The following ELL variants were observed in gnomAD, a reference collection of about 807,000 sequenced individuals.
The protein encoded by ELL is RNA polymerase II elongation factor ELL.
A neutral mutation model predicts 64.0 loss-of-function variants in ELL; 18 were observed. The ratio of observed to expected loss-of-function variants is 0.28; its 90% CI spans 0.19 to 0.42. The LOEUF is 0.42. Ranked by LOEUF, ELL falls within the 10% of genes least tolerant of loss-of-function variation. ELL has a pLI of 1.00. For synonymous variants in ELL, 399 were observed against 376.2 expected, an observed-to-expected ratio of 1.06 and a Z score of -0.70; for missense variants, 797 against 870.4, an observed-to-expected ratio of 0.92 and a Z score of 1.06.
intron 1 of ELL, among the ~76,000 whole-genome samples, chr19:18,510,567 G>A (rs1270724357): frequency 2.6e-5 from 4 of 152,118 alleles, no homozygotes; most frequent in African/African-American, 9.7e-5. Context: ...TCTGTCACCT[G>A]TGACCAGGTG....
intron 2 of ELL, among the ~76,000 whole-genome samples, chr19:18,469,683 G>GGCCACAGGGGCTCATCCTAGGCGCT (rs1406512391): frequency 2.0e-5 from 3 of 152,226 alleles, no homozygotes; most frequent in Admixed American, 6.5e-5. Context: ...ACAGAGCCCA[G>GGCCACAGGGGCTCATCCTAGGCGCT]GCCACAGGGG....
At chr19:18,453,598 C>T (rs185883723) in intron 6 of ELL, among the ~76,000 whole-genome samples, 62 of 152,352 alleles carry the variant, frequency 4.1e-4, no homozygotes, top group Non-Finnish European at 7.6e-4. Flanking sequence ...AGGTTGGGCG[C>T]AGTGGCTCAC....
intron 1 of ELL, among the ~76,000 whole-genome samples, chr19:18,519,821 AAAAGAAAGAAAG>A (rs56926583): frequency 2.9e-5 from 4 of 139,258 alleles, no homozygotes; most frequent in Admixed American, 7.3e-5. Context: ...AAAAAAAAAA[AAAAGAAAGAAAG>A]AAAGAAAGAA....
chr19:18,475,296 A>C (rs941815846), intron 1 of ELL, among the ~76,000 whole-genome samples: 1 of 152,208 alleles, frequency 6.6e-6, no homozygotes, highest in African/African-American at 2.4e-5. Context: ...ATAAAAAAAA[A>C]CATAACCACA....
rs1000622069 is a variant in ELL, at chr19:18,442,983, GAAC to G, written c.*1766_*1768del. ...TTAGCTTCATAATTCCTTAAAAGGA[GAAC>G]AAATAAACAACAAAAACAACAACAA... On this transcript the variant is annotated 3_prime_UTR_variant, in exon 12 of 12. Transcript: ENST00000262809. 3 of 232,104 alleles carry G rather than the reference GAAC, an allele frequency of 1.3e-5. No individual in the cohort carries two copies. The highest frequency in any genetic ancestry group is 6.6e-5 in the African/African-American group (3 of 45,248). 14.4% of individuals were successfully genotyped at this position (232,104 alleles called of 1,614,324 possible). A position where few individuals can be genotyped will look rare whatever the true frequency, so the allele number is the denominator to read the frequency against.
Position 18,445,274 on chromosome 19 carries a change from A to AG in ELL, c.1705-7dup. 6.2e-7 allele frequency: 1 copy of AG among 1,613,858 alleles called. No individual in the cohort carries two copies. The highest frequency in any genetic ancestry group is 8.5e-7 in the Non-Finnish European group (1 of 1,179,954). On this transcript the variant is annotated splice_region_variant and splice_polypyrimidine_tract_variant and intron_variant, in intron 10 of 11. Transcript: ENST00000262809. ...AAAATCTGCCCTCGAGTAGTCTAGA[A>AG]GAAAAACAAAATTTTGAGAAAACAG... is the stretch of plus-strand genomic sequence containing the variant.
At chr19:18,461,999 C>G in intron 4 of ELL, 147 bp from the exon 5 acceptor site, 1 of 1,105,114 alleles carries the variant, frequency 9.0e-7, no homozygotes, top group Non-Finnish European at 1.3e-6. Flanking sequence ...CAGCTTGCTC[C>G]TTGGGGACCC....
At chr19:18,452,279 C>A (rs529868752) in intron 6 of ELL, among the ~76,000 whole-genome samples, 2 of 147,098 alleles carry the variant, frequency 1.4e-5, no homozygotes, top group East Asian at 3.9e-4. Context: ...GGCAGCCTAG[C>A]GCCCCTCCAG....
At chr19:18,488,947 A>T (rs2013069) in intron 1 of ELL, among the ~76,000 whole-genome samples, 48,520 of 152,106 alleles carry the variant, frequency 0.32, 9,690 homozygotes, top group African/African-American at 0.57. Flanking sequence ...GGCTGACCAG[A>T]GTCCTGAACT....
At chr19:18,518,945 C>T (rs1434992924) in intron 1 of ELL, among the ~76,000 whole-genome samples, 2 of 152,166 alleles carry the variant, frequency 1.3e-5, no homozygotes, top group East Asian at 1.9e-4. Context: ...AACAGGAGGG[C>T]TTCTACCTGG....
intron 1 of ELL, among the ~76,000 whole-genome samples, chr19:18,478,792 G>A (rs1975230464): frequency 6.6e-6 from 1 of 152,240 alleles, no homozygotes; most frequent in Non-Finnish European, 1.5e-5. Context: ...TGATGCCTGC[G>A]CCCTGCGGTC....
At chr19:18,465,390 C>A in intron 4 of ELL, 22 bp downstream of exon 4, 1 of 1,576,100 alleles carries the variant, frequency 6.3e-7, no homozygotes, top group South Asian at 1.2e-5. Flanking sequence ...TGCCCTACAG[C>A]CCTGCCAAAC....
Position 18,465,392 on chromosome 19 carries a change from C to T in ELL, c.469+20G>A. 2 of 1,579,012 alleles carry T rather than the reference C, an allele frequency of 1.3e-6. No homozygotes were observed. The highest frequency in any genetic ancestry group is 1.7e-6 in the Non-Finnish European group (2 of 1,158,064). On this transcript the variant is annotated intron_variant, in intron 4 of 11. Coordinates refer to ENST00000262809, the MANE Select transcript of ELL (RefSeq NM_006532.4). ...GCAGCTGCCCGGCTGCCCTACAGCCCTGCCAAACCCACTGCTCACCCAGGT... is the reference window on the plus strand; with the variant it reads ...GCAGCTGCCCGGCTGCCCTACAGCCTTGCCAAACCCACTGCTCACCCAGGT...
intron 1 of ELL, among the ~76,000 whole-genome samples, chr19:18,474,985 G>C (rs184945982): frequency 1.3e-5 from 2 of 152,294 alleles, no homozygotes; most frequent in African/African-American, 2.4e-5. Context: ...TTAGCTGGGC[G>C]TGGCAGTGGG....
chr19:18,479,026 A>C (rs1479290632), intron 1 of ELL, among the ~76,000 whole-genome samples: 1 of 152,248 alleles, frequency 6.6e-6, no homozygotes, highest in Non-Finnish European at 1.5e-5. Context: ...CCCCTCCGGC[A>C]AAGAGCACTT....
At chr19:18,473,302 T>C (rs1233723471) in intron 1 of ELL, 4 of 460,784 alleles carry the variant, frequency 8.7e-6, no homozygotes, top group African/African-American at 6.0e-5. Context: ...CCCTGGATCA[T>C]GACTCTCCCA....
At chr19:18,472,534 T>C (rs1975084901) in intron 2 of ELL, 1 of 417,024 alleles carries the variant, frequency 2.4e-6, no homozygotes, top group African/African-American at 2.1e-5. Context: ...ACCAGTCCAG[T>C]GCTGGGGGTT....
chr19:18,446,401 C>G lies in ELL; in HGVS notation c.1612G>C (p.Asp538His). 1.2e-6 allele frequency: 2 copies of G among 1,612,286 alleles called. No homozygotes were observed. Among genetic ancestry groups the G allele is most frequent in the East Asian group, 2.2e-5 (1 of 44,860 alleles). The change falls in exon 10 of 12, where the codon GAC becomes CAC. Residue 538 changes from aspartate (D) to histidine (H), a missense_variant. Transcript: ENST00000262809. Reference sequence around the variant, plus strand: ...ATGCGCTCAATGCGGGCGTGCAGGTCGCGGTACTCGCTGTACTCGGCATTG... The same window carrying G: ...ATGCGCTCAATGCGGGCGTGCAGGTGGCGGTACTCGCTGTACTCGGCATTG... The part of the protein sequence containing the change: ...DFNAEYSEYR[D>H]LHARIERITR...
rs79023449 is a variant in ELL at position 18,501,387 on chromosome 19, G to A, written c.135+20534C>T. Among the ~76,000 whole-genome samples the A allele has an allele frequency of 8.0e-3, 1,219 of 152,352 alleles. 16 individuals are homozygous for A. Among genetic ancestry groups the A allele is most frequent in the African/African-American group, 0.027 (1,138 of 41,588 alleles). On this transcript the variant is annotated intron_variant, in intron 1 of 11. Transcript: ENST00000262809. This position sits in a 1 kb window ranked among gnomAD's most constrained non-coding sequence, Gnocchi z 4.5. ...AACCCTGCTGAGCGAGAGAACGTGG[G>A]AAAGGGCCTGGGATGGGCCCACTGT... is the stretch of plus-strand genomic sequence containing the variant.
Sources: allele counts gnomAD v4.1 joint callset (sites outside exome capture counted in the v4.1 genomes callset), GRCh38; gene constraint gnomAD v4.1.1; non-coding constraint Gnocchi (gnomAD v3.1); transcripts MANE v1.5; gene names NCBI Gene and HGNC (gene_info 2026-07-23, HGNC 2026-07-21).